RASSF4: variants seen among roughly 807,000 people sequenced by gnomAD.
RASSF4 encodes Ras association domain family member 4, also known as ras association domain-containing protein 4.
A neutral mutation model predicts 41.1 loss-of-function variants in RASSF4; 38 were observed. The ratio of observed to expected loss-of-function variants is 0.92; its 90% CI spans 0.71 to 1.21. The LOEUF is 1.21. RASSF4 is among the 50% of genes most tolerant of loss of function. The pLI, the probability that RASSF4 is intolerant of heterozygous loss-of-function variation, is 0.00. For synonymous variants in RASSF4, 179 were observed against 163.4 expected (o/e 1.10, Z -0.73); for missense variants, 414 against 419.4 (o/e 0.99, Z 0.11).
In RASSF4 at chr10:44,977,383, G is replaced by A. The variant is rs537179033; in HGVS notation, c.139-5138G>A. 7.7e-6 allele frequency: 12 copies of A among 1,559,148 alleles called. No homozygotes were observed. In the South Asian group the frequency reaches 1.4e-4, roughly 19 times the overall value. On this transcript the variant is annotated intron_variant, in intron 3 of 10. Transcript: ENST00000340258. ...CATGCTCTCTACAGAAGCCTTTACT[G>A]GGGAGGGGTCAGAGTTCATGGATCA... is the stretch of plus-strand genomic sequence containing the variant.
At position 44,973,080 on chromosome 10, in the gene RASSF4, C is replaced by A. The variant is rs374268816; in HGVS notation, c.138+1232C>A. On this transcript the variant is annotated intron_variant, in intron 3 of 10. Coordinates refer to ENST00000340258, the MANE Select transcript of RASSF4 (RefSeq NM_032023.4). Reference sequence around the variant, plus strand: ...AGCTGTGCTGGGCTGCCTGTGACCACCAGGCATGGTACAAACCTCACACTC... The same window carrying A: ...AGCTGTGCTGGGCTGCCTGTGACCAACAGGCATGGTACAAACCTCACACTC... 3.9e-5 allele frequency among the ~76,000 whole-genome samples: 6 copies of A among 152,184 alleles called. No individual in the cohort carries two copies. The East Asian group carries it at 1.2e-3, about 29-fold the overall frequency.
At position 44,984,717 on chromosome 10, in the gene RASSF4, G is replaced by T; in HGVS notation, c.374-96G>T. The stretch of plus-strand genomic sequence containing the variant: ...CGTCCCCATCTGCCCCAGTGCACGT[G>T]ACCACAGGGCTCTAGGGTGCCAGAT... On this transcript the variant is annotated intron_variant, in intron 5 of 10. Coordinates refer to ENST00000340258, the MANE Select transcript of RASSF4 (RefSeq NM_032023.4). 2.9e-6 allele frequency: 4 copies of T among 1,403,180 alleles called. No individual in the cohort carries two copies. In the South Asian group the frequency reaches 3.8e-5, roughly 13 times the overall value. 86.9% of individuals were successfully genotyped at this position (1,403,180 alleles called of 1,614,324 possible).
At chr10:44,974,794 G>T (rs1340599721) in intron 3 of RASSF4, among the ~76,000 whole-genome samples, 1 of 152,242 alleles carries the variant, frequency 6.6e-6, no homozygotes, top group African/African-American at 2.4e-5. Flanking sequence ...CCTTCTCCCC[G>T]CTTCCGAGGG....
At chr10:44,992,033 T>C in intron 10 of RASSF4, 31 bp downstream of exon 10, 3 of 1,415,400 alleles carry the variant, frequency 2.1e-6, no homozygotes, top group Non-Finnish European at 3.0e-6. Context: ...CAGTCATGGG[T>C]CCTGAACATC....
At chr10:44,973,668 C>G (rs1360819107) in intron 3 of RASSF4, among the ~76,000 whole-genome samples, 1 of 152,228 alleles carries the variant, frequency 6.6e-6, no homozygotes, top group East Asian at 1.9e-4. Flanking sequence ...TTGAAAACCA[C>G]TAGTAAGAGC....
At chr10:44,971,310 AGG>A (rs1841147178) in intron 2 of RASSF4, 6 of 360,052 alleles carry the variant, frequency 1.7e-5, no homozygotes, top group South Asian at 1.0e-4. Flanking sequence ...TTGGAAAGTC[AGG>A]GTGGGGAAGA....
chr10:44,989,305 T>A lies in RASSF4; in HGVS notation c.563T>A (p.Val188Glu), dbSNP rs982010320. The change falls in exon 7 of 11, where the codon GTG (valine) becomes GAG (glutamate). Residue 188 changes from valine (V) to glutamate (E), a missense_variant. Val to Glu is a moderately radical substitution (Grantham distance 121). Coordinates refer to ENST00000340258, the MANE Select transcript of RASSF4 (RefSeq NM_032023.4). ...GTGTTTACTCCAGCCTATGGATCCG[T>A]GACCAATGTGAGGGTCAACAGCACC... ...TSVFTPAYGS[V>E]TNVRVNSTMT... is the part of the protein sequence containing the mutation. The A allele has an allele frequency of 1.2e-6, 2 of 1,613,846 alleles. No homozygotes were observed. Among genetic ancestry groups the A allele is most frequent in the Non-Finnish European group, 1.7e-6 (2 of 1,179,856 alleles).
intron 3 of RASSF4, chr10:44,976,298 C>T (rs967625164): frequency 2.0e-5 from 3 of 152,240 alleles, no homozygotes; most frequent in African/African-American, 7.2e-5. Flanking sequence ...ATATGGTTTA[C>T]ATTCTATCTC....
At position 44,978,084 on chromosome 10, in the gene RASSF4, G is replaced by A. The variant is rs551671199; in HGVS notation, c.139-4437G>A. ...TTGGGAAACAGAAGCCTGGTGGTGA[G>A]GGCCTGCCATGCGTCCCACCGCCCC... On this transcript the variant is annotated intron_variant, in intron 3 of 10. Coordinates refer to ENST00000340258, the MANE Select transcript of RASSF4 (RefSeq NM_032023.4). The A allele has an allele frequency of 3.8e-6, 6 of 1,573,106 alleles. No individual in the cohort carries two copies. In the African/African-American group the frequency reaches 8.2e-5, roughly 22 times the overall value.
In RASSF4 at chr10:44,963,057, G is replaced by T. The variant is rs367917961; in HGVS notation, c.-39+3191G>T. Reference sequence around the variant, plus strand: ...CGCAGCGGGGAGTAAAGGTGAGCTGGGCCTGTGTGGTCAGTCCAGGGCAAG... The same window carrying T: ...CGCAGCGGGGAGTAAAGGTGAGCTGTGCCTGTGTGGTCAGTCCAGGGCAAG... On this transcript the variant is annotated intron_variant, in intron 1 of 10. Coordinates refer to ENST00000340258, the MANE Select transcript of RASSF4 (RefSeq NM_032023.4). Among the ~76,000 whole-genome samples, 37 of 152,280 alleles carry T rather than the reference G, an allele frequency of 2.4e-4. 1 individual carries two copies. The highest frequency in any genetic ancestry group is 8.9e-4 in the African/African-American group (37 of 41,558).
chr10:44,963,624 C>G (rs558071403), intron 1 of RASSF4, among the ~76,000 whole-genome samples: 2 of 152,348 alleles, frequency 1.3e-5, no homozygotes, highest in South Asian at 4.1e-4. Context: ...GGGAGCAGCT[C>G]AGGCTCCCAG....
intron 10 of RASSF4, 113 bp from the exon 11 acceptor site, chr10:44,993,156 T>A: frequency 1.2e-6 from 1 of 840,970 alleles, no homozygotes; most frequent in Non-Finnish European, 1.9e-6. Context: ...AGAGGAGAGA[T>A]GAGGCTGCTG....
At chr10:44,969,286 G>C (rs986946253) in intron 1 of RASSF4, among the ~76,000 whole-genome samples, 2 of 152,144 alleles carry the variant, frequency 1.3e-5, no homozygotes, top group Non-Finnish European at 2.9e-5. Context: ...GTCCGTGAAA[G>C]AAACCTGGGG....
Position 44,982,613 on chromosome 10 carries a change from G to C in RASSF4, c.231G>C (p.Gln77His). The change falls in exon 4 of 11, where the codon CAG (glutamine) becomes CAC (histidine). Residue 77 changes from glutamine to histidine, a missense_variant. Coordinates refer to ENST00000340258, the MANE Select transcript of RASSF4 (RefSeq NM_032023.4). ...TGCAGATGCAGGATGACCGGGAGCA[G>C]GTGCACCTCCCCTCCACCTCATGGA... is the stretch of plus-strand genomic sequence containing the variant. ...IRLQMQDDRE[Q>H]VHLPSTSWMP... The C allele has an allele frequency of 6.2e-7, 1 of 1,613,276 alleles. No homozygotes were observed. The highest frequency in any genetic ancestry group is 8.5e-7 in the Non-Finnish European group (1 of 1,179,524).
intron 1 of RASSF4, among the ~76,000 whole-genome samples, chr10:44,969,200 A>G (rs1275242998): frequency 2.6e-5 from 4 of 151,964 alleles, no homozygotes; most frequent in Non-Finnish European, 5.9e-5. Context: ...CCTTGGCCAC[A>G]TTGACATGGG....
chr10:44,991,246 T>C (rs761327102), intron 9 of RASSF4, 177 bp downstream of exon 9: 45 of 488,560 alleles, frequency 9.2e-5, no homozygotes, highest in Non-Finnish European at 1.4e-4. Context: ...CTCCCATCAG[T>C]GACCGCCAGC....
intron 1 of RASSF4, among the ~76,000 whole-genome samples, chr10:44,963,038 G>A (rs929488490): frequency 2.6e-5 from 4 of 152,146 alleles, no homozygotes; most frequent in African/African-American, 4.8e-5. Context: ...GAACCGCAGC[G>A]GGGAGTAAAG....
Position 44,989,670 on chromosome 10 carries a change from G to A in RASSF4, c.634G>A (p.Val212Met). ...VLTLLLNKFR[V>M]EDGPSEFALY... The stretch of plus-strand genomic sequence containing the variant: ...TGACTTCCTGTGACTGCCTGTGCAG[G>A]TGGAAGATGGCCCCAGTGAGTTCGC... Residue 212 changes from valine to methionine, a missense_variant and splice_region_variant, in exon 8 of 11, where the codon GTG becomes ATG. By Grantham distance (21) the Val-to-Met change is conservative (BLOSUM62 1). Transcript: ENST00000340258. The A allele has an allele frequency of 1.2e-6, 2 of 1,614,142 alleles. No homozygotes were observed. The highest frequency in any genetic ancestry group is 2.2e-5 in the East Asian group (1 of 44,882).
chr10:44,978,119 C>T (rs1841534440), intron 3 of RASSF4: 26 of 1,464,662 alleles, frequency 1.8e-5, no homozygotes, highest in Non-Finnish European at 2.4e-5. Context: ...CTCAGCGTCA[C>T]CACACTCCTC....
Sources: gnomAD v4.1 joint callset for allele counts (sites outside exome capture counted in the v4.1 genomes callset) on GRCh38, gnomAD v4.1.1 for gene constraint, MANE v1.5 for transcripts, NCBI Gene and HGNC (gene_info 2026-07-23, HGNC 2026-07-21) for gene names.